Variants in PCDHA10 observed in about 807,000 individuals in gnomAD.
PCDHA10 encodes protocadherin alpha-10.
PCDHA10 carries 45 observed loss-of-function variants against 61.2 expected under a neutral mutation model. The observed-to-expected ratio is 0.74, with a 90% CI of 0.58 to 0.94. PCDHA10 has a LOEUF of 0.94. Among genes scored for constraint, PCDHA10 ranks in the 40% least tolerant of loss-of-function variants. The probability of loss-of-function intolerance (pLI) is 0.00; values close to 1 mark genes in which losing one functional copy is unlikely to be tolerated. For missense variants in PCDHA10, 1,278 were observed against 1,236.2 expected (o/e 1.03, Z -0.51); for synonymous variants, 602 against 548.8 (o/e 1.10, Z -1.35).
At chr5:140,924,906 T>TAAAAA (rs1284498744) in intron 1 of PCDHA10, among the ~76,000 whole-genome samples, 1 of 55,822 alleles carries the variant, frequency 1.8e-5, no homozygotes, top group Non-Finnish European at 3.4e-5. Context: ...AAAAAAAAAA[T>TAAAAA]AAAATAAAAT....
intron 3 of PCDHA10, among the ~76,000 whole-genome samples, chr5:140,999,615 A>G (rs535054544): frequency 5.3e-5 from 8 of 152,322 alleles, no homozygotes; most frequent in Admixed American, 3.3e-4. Flanking sequence ...GACCTTATCA[A>G]CCAGGAAACA....
intron 1 of PCDHA10, chr5:140,865,130 T>G (rs1221612986): frequency 3.3e-5 from 5 of 152,216 alleles, no homozygotes; most frequent in African/African-American, 1.2e-4. Flanking sequence ...TAATTATACC[T>G]TAGAATTTAA....
chr5:140,926,811 C>T, intron 1 of PCDHA10: 3 of 1,464,260 alleles, frequency 2.0e-6, no homozygotes, highest in Admixed American at 5.2e-5. Flanking sequence ...CCCCGCGGCT[C>T]GTGCTCTCCA....
intron 1 of PCDHA10, among the ~76,000 whole-genome samples, chr5:140,935,340 C>T (rs781819548): frequency 3.3e-5 from 5 of 152,172 alleles, no homozygotes; most frequent in African/African-American, 7.2e-5. Context: ...TTCTCCCATA[C>T]GTCAAATCCC....
Position 140,882,245 on chromosome 5 carries a change from G to C in PCDHA10, c.2388+23809G>C, listed in dbSNP as rs376978051. Reference sequence around the variant, plus strand: ...TAAGGCGTTGTATATATTGCAGATAGCTCTGAGGTTTTTGGAGTGTACCAT... The same window carrying C: ...TAAGGCGTTGTATATATTGCAGATACCTCTGAGGTTTTTGGAGTGTACCAT... On this transcript the variant is annotated intron_variant, in intron 1 of 3. Coordinates refer to ENST00000307360, the MANE Select transcript of PCDHA10 (RefSeq NM_018901.4). 82 of 1,592,614 alleles carry C rather than the reference G, an allele frequency of 5.1e-5. No homozygotes were observed. In the African/African-American group the frequency reaches 9.3e-4, roughly 18 times the overall value.
At chr5:140,924,049 T>C (rs1554201723) in intron 1 of PCDHA10, among the ~76,000 whole-genome samples, 1 of 152,254 alleles carries the variant, frequency 6.6e-6, no homozygotes, top group East Asian at 1.9e-4. Flanking sequence ...AAAAGTTCGG[T>C]ACATCTTTAC....
rs1291498310 is a variant in PCDHA10, at chr5:140,946,680, G to A, written c.2389-32269G>A. Among the ~76,000 whole-genome samples, 6 of 145,092 alleles carry A rather than the reference G, an allele frequency of 4.1e-5. No homozygotes were observed. In the East Asian group the frequency reaches 9.9e-4, roughly 24 times the overall value. On this transcript the variant is annotated intron_variant, in intron 1 of 3. Coordinates refer to ENST00000307360, the MANE Select transcript of PCDHA10 (RefSeq NM_018901.4). ...TAGAAAGAATGAAATCCTGTCATTCGTGACAATATGGATGAATCTGGAGGT... is the reference window on the plus strand; with the variant it reads ...TAGAAAGAATGAAATCCTGTCATTCATGACAATATGGATGAATCTGGAGGT...
chr5:140,937,195 G>A lies in PCDHA10; in HGVS notation c.2389-41754G>A, dbSNP rs371063672. On this transcript the variant is annotated intron_variant, in intron 1 of 3. Coordinates refer to ENST00000307360, the MANE Select transcript of PCDHA10 (RefSeq NM_018901.4). ...TGGGACTACAGGCGCCCGCCACCAT[G>A]CCCGGCTAATTTTTTGTATTTTTTG... Among the ~76,000 whole-genome samples the A allele has an allele frequency of 1.5e-3, 231 of 151,994 alleles. 5 individuals are homozygous for A. The South Asian group carries it at 0.033, about 22-fold the overall frequency.
intron 1 of PCDHA10, chr5:140,968,785 T>G: frequency 6.2e-7 from 1 of 1,614,226 alleles, no homozygotes; most frequent in Non-Finnish European, 8.5e-7. Flanking sequence ...TATCAGCCTC[T>G]GTGGCCATTA....
Position 140,856,974 on chromosome 5 carries a change from T to C in PCDHA10, c.926T>C (p.Phe309Ser). 1 of 1,594,506 alleles carries C rather than the reference T, an allele frequency of 6.3e-7. No individual in the cohort carries two copies. Among genetic ancestry groups the C allele is most frequent in the African/African-American group, 1.3e-5 (1 of 74,292 alleles). Reference protein sequence around the residue: ...GEIKVNDAIDFEDSNTYEIHV... With the variant: ...GEIKVNDAIDSEDSNTYEIHV... Reference sequence around the variant, plus strand: ...ATAAAAGTAAATGATGCTATTGACTTTGAGGACAGTAACACTTATGAAATT... The same window carrying C: ...ATAAAAGTAAATGATGCTATTGACTCTGAGGACAGTAACACTTATGAAATT... Residue 309 changes from phenylalanine to serine, a missense_variant, in exon 1 of 4, where the codon TTT becomes TCT. Coordinates refer to ENST00000307360, the MANE Select transcript of PCDHA10 (RefSeq NM_018901.4).
intron 3 of PCDHA10, among the ~76,000 whole-genome samples, chr5:141,001,281 A>T (rs1239906088): frequency 6.6e-6 from 1 of 152,168 alleles, no homozygotes; most frequent in African/African-American, 2.4e-5. Context: ...TTTTTTACGG[A>T]TGAAAACTGA....
chr5:140,856,365 A>C lies in PCDHA10; in HGVS notation c.317A>C (p.Glu106Ala). The C allele has an allele frequency of 3.1e-6, 5 of 1,598,426 alleles. No homozygotes were observed. The highest frequency in any genetic ancestry group is 2.6e-6 in the Non-Finnish European group (3 of 1,167,924). ...GRSVECSIHLEVIVDRPLQVF... is the reference protein window; with the variant it reads ...GRSVECSIHLAVIVDRPLQVF... ...AGCGTGGAGTGCAGCATCCACCTGG[A>C]GGTGATCGTGGACAGGCCGCTGCAG... The change falls in exon 1 of 4, where the codon GAG (glutamate) becomes GCG (alanine). Residue 106 changes from glutamate (E) to alanine (A), a missense_variant. By Grantham distance (107) the Glu-to-Ala change is moderately radical (BLOSUM62 -1). Coordinates refer to ENST00000307360, the MANE Select transcript of PCDHA10 (RefSeq NM_018901.4).
Position 140,956,653 on chromosome 5 carries a change from G to A in PCDHA10, c.2389-22296G>A, listed in dbSNP as rs146062919. ...TGCCAGGTTTTGGTATCAGGATGAT[G>A]CTGGCCTTAAAGGAGTTAGGGAGGA... On this transcript the variant is annotated intron_variant, in intron 1 of 3. Transcript: ENST00000307360. 5.2e-4 allele frequency among the ~76,000 whole-genome samples: 79 copies of A among 152,240 alleles called. 1 individual carries two copies. The highest frequency in any genetic ancestry group is 1.9e-3 in the African/African-American group (79 of 41,558).
chr5:140,969,283 T>A, intron 1 of PCDHA10: 61 of 1,614,200 alleles, frequency 3.8e-5, no homozygotes, highest in Non-Finnish European at 5.2e-5. Flanking sequence ...GTGGTCAGAA[T>A]GCTGGGAACC....
intron 2 of PCDHA10, among the ~76,000 whole-genome samples, chr5:140,980,838 A>G (rs141603230): frequency 5.3e-5 from 8 of 152,320 alleles, no homozygotes; most frequent in African/African-American, 1.4e-4. Flanking sequence ...GTGAACCTAA[A>G]TAATACTAAT....
chr5:140,953,873 A>G (rs537538688), intron 1 of PCDHA10, among the ~76,000 whole-genome samples: 53 of 152,258 alleles, frequency 3.5e-4, no homozygotes, highest in African/African-American at 1.3e-3. Context: ...TGCTGCACAG[A>G]TCAACCCATC....
rs574140858 is a variant in PCDHA10 at position 140,929,782 on chromosome 5, A to C, written c.2389-49167A>C. On this transcript the variant is annotated intron_variant, in intron 1 of 3. Coordinates refer to ENST00000307360, the MANE Select transcript of PCDHA10 (RefSeq NM_018901.4). The stretch of plus-strand genomic sequence containing the variant: ...GACGATAACCACAAAAGATGTAAAA[A>C]TAAATTACAATGGGGGTTAAAAGAA... The C allele has an allele frequency of 1.8e-5, 3 of 168,346 alleles. No individual in the cohort carries two copies. The Admixed American group carries it at 1.9e-4, about 11-fold the overall frequency. 10.4% of individuals were successfully genotyped at this position (168,346 alleles called of 1,614,324 possible). A position where few individuals can be genotyped will look rare whatever the true frequency, so the allele number is the denominator to read the frequency against.
chr5:140,923,924 T>C (rs968133405), intron 1 of PCDHA10, among the ~76,000 whole-genome samples: 15 of 152,220 alleles, frequency 9.9e-5, no homozygotes. Context: ...TACTGTTCTC[T>C]GTATGCATTT....
At chr5:140,861,511 T>C in intron 1 of PCDHA10, 1 of 471,158 alleles carries the variant, frequency 2.1e-6, no homozygotes, top group South Asian at 1.7e-5. Flanking sequence ...CTCGAGGAGC[T>C]GTGTGGGAGG....
Sources: allele counts gnomAD v4.1 joint callset (sites outside exome capture counted in the v4.1 genomes callset), GRCh38; gene constraint gnomAD v4.1.1; transcripts MANE v1.5; gene names NCBI Gene and HGNC (gene_info 2026-07-23, HGNC 2026-07-21).